The following EML5 variants were observed in gnomAD, a reference collection of about 807,000 sequenced individuals.
EML5 encodes echinoderm microtubule-associated protein-like 5.
Under a neutral mutation model 250.0 loss-of-function variants are expected in EML5, and 120 were observed. That is an observed-to-expected ratio of 0.48 (90% CI 0.41 to 0.56). The LOEUF (loss-of-function observed/expected upper bound fraction) is 0.56. EML5 is among the 20% of genes least tolerant of loss of function. The probability of loss-of-function intolerance (pLI) is 0.00; values close to 1 mark genes in which losing one functional copy is unlikely to be tolerated. For missense variants in EML5, 2,006 were observed against 2,437.6 expected (o/e 0.82, Z 3.73); for synonymous variants, 771 against 806.5 (o/e 0.96, Z 0.75).
chr14:88,775,513 T>C (rs1321594772), intron 1 of EML5, among the ~76,000 whole-genome samples: 1 of 152,198 alleles, frequency 6.6e-6, no homozygotes, highest in East Asian at 1.9e-4. Context: ...AGGCAGTGGC[T>C]GTAGGGAGAG....
chr14:88,658,774 T>C (rs1028903388), intron 25 of EML5, among the ~76,000 whole-genome samples: 4 of 151,936 alleles, frequency 2.6e-5, no homozygotes, highest in Non-Finnish European at 5.9e-5. Context: ...GTGAAAAAAA[T>C]TAAATACCTT....
At chr14:88,645,383 T>C (rs757745731) in intron 29 of EML5, among the ~76,000 whole-genome samples, 5 of 152,202 alleles carry the variant, frequency 3.3e-5, no homozygotes, top group South Asian at 2.1e-4. Flanking sequence ...CAAGAGTAGA[T>C]TGTTTATAAA....
At chr14:88,781,435 A>C (rs1392886906) in intron 1 of EML5, among the ~76,000 whole-genome samples, 1 of 152,206 alleles carries the variant, frequency 6.6e-6, no homozygotes, top group Non-Finnish European at 1.5e-5. Flanking sequence ...CCCACCTTGC[A>C]CACACCACAG....
At chr14:88,645,889 C>T (rs1040468688) in intron 29 of EML5, among the ~76,000 whole-genome samples, 4 of 152,128 alleles carry the variant, frequency 2.6e-5, no homozygotes, top group African/African-American at 9.7e-5. Context: ...TATAATGTGC[C>T]GTGTCCCAAC....
intron 1 of EML5, among the ~76,000 whole-genome samples, chr14:88,758,814 A>G (rs1396461862): frequency 6.6e-6 from 1 of 152,260 alleles, no homozygotes; most frequent in Non-Finnish European, 1.5e-5. Context: ...GTATCCACAC[A>G]ACAAAAATGA....
At position 88,616,717 on chromosome 14, in the gene EML5, C is replaced by T. The variant is rs1349586263; in HGVS notation, c.5796+9G>A. 1 of 1,608,804 alleles carries T rather than the reference C, an allele frequency of 6.2e-7. No individual in the cohort carries two copies. Among genetic ancestry groups the T allele is most frequent in the Admixed American group, 1.7e-5 (1 of 59,500 alleles). ...TAAACTGATAATAGTAAACAAAACACAAACTTACAAATTTTTCTGGACATG... is the reference window on the plus strand; with the variant it reads ...TAAACTGATAATAGTAAACAAAACATAAACTTACAAATTTTTCTGGACATG... On this transcript the variant is annotated intron_variant, in intron 42 of 43. Coordinates refer to ENST00000554922, the MANE Select transcript of EML5 (RefSeq NM_183387.3).
chr14:88,673,091 AAAACTCC>A (rs1344685392), intron 21 of EML5, among the ~76,000 whole-genome samples: 1 of 152,188 alleles, frequency 6.6e-6, no homozygotes, highest in Non-Finnish European at 1.5e-5. Context: ...CAAAAAAAAG[AAAACTCC>A]AGGCCAATAT....
chr14:88,720,613 T>G (rs12589928), intron 8 of EML5, among the ~76,000 whole-genome samples: 6 of 152,158 alleles, frequency 3.9e-5, no homozygotes, highest in Admixed American at 3.9e-4. Flanking sequence ...AACTAGATAT[T>G]GAAGGAACAT....
chr14:88,687,016 T>C (rs1286865123), intron 19 of EML5, among the ~76,000 whole-genome samples, 200 bp downstream of exon 19: 1 of 152,202 alleles, frequency 6.6e-6, no homozygotes, highest in African/African-American at 2.4e-5. Flanking sequence ...ACTAATATTT[T>C]ACCATGTGTA....
At chr14:88,663,850 T>C (rs2092217700) in intron 23 of EML5, among the ~76,000 whole-genome samples, 1 of 152,114 alleles carries the variant, frequency 6.6e-6, no homozygotes, top group Non-Finnish European at 1.5e-5. Context: ...TTCTATATTC[T>C]ATTTATGTCA....
rs935318375 is a variant in EML5, at chr14:88,615,342, T to C, written c.*476A>G. 1.3e-5 allele frequency: 2 copies of C among 152,660 alleles called. No homozygotes were observed. The highest frequency in any genetic ancestry group is 4.8e-5 in the African/African-American group (2 of 41,466). The allele number at this position is 152,660 out of a possible 1,614,324, so 9.5% of individuals were successfully genotyped here. A position where few individuals can be genotyped will look rare whatever the true frequency, so the allele number is the denominator to read the frequency against. ...TTGCCTTTTAAAAACTGTGATCCTTTAGGATGATCATGACTTTCCCTTTCC... is the reference window on the plus strand; with the variant it reads ...TTGCCTTTTAAAAACTGTGATCCTTCAGGATGATCATGACTTTCCCTTTCC... On this transcript the variant is annotated 3_prime_UTR_variant, in exon 44 of 44. Transcript: ENST00000554922.
At chr14:88,657,803 G>T (rs576814434) in intron 26 of EML5, among the ~76,000 whole-genome samples, 3 of 152,152 alleles carry the variant, frequency 2.0e-5, no homozygotes, top group South Asian at 4.1e-4. Flanking sequence ...TAGAAGAGGT[G>T]TTACCTCTGT....
intron 1 of EML5, among the ~76,000 whole-genome samples, chr14:88,779,140 T>C (rs2094473421): frequency 6.6e-6 from 1 of 152,224 alleles, no homozygotes; most frequent in African/African-American, 2.4e-5. Context: ...AACTAATTAA[T>C]GATGGGTATG....
At chr14:88,657,955 A>C (rs556357908) in intron 26 of EML5, among the ~76,000 whole-genome samples, 1 of 152,306 alleles carries the variant, frequency 6.6e-6, no homozygotes, top group South Asian at 2.1e-4. Flanking sequence ...CCTTAACAGT[A>C]CTTATTTAAA....
At chr14:88,723,524 T>C (rs184292337) in intron 8 of EML5, among the ~76,000 whole-genome samples, 6 of 152,298 alleles carry the variant, frequency 3.9e-5, no homozygotes, top group East Asian at 3.9e-4. Context: ...TCTGAAGATA[T>C]ACTGTATGGC....
chr14:88,726,518 G>A lies in EML5; in HGVS notation c.1187+23C>T, dbSNP rs199872585. On this transcript the variant is annotated intron_variant, in intron 8 of 43. Transcript: ENST00000554922. ...GTATCACTGAAGATAAAATTATTAT[G>A]TGTTTCTACCCTAATACCATACCTT... 2.9e-4 allele frequency: 458 copies of A among 1,571,014 alleles called. 6 individuals are homozygous for A. In the South Asian group the frequency reaches 5.4e-3, roughly 18 times the overall value.
At chr14:88,734,825 C>T (rs186116459) in intron 7 of EML5, among the ~76,000 whole-genome samples, 71 of 152,006 alleles carry the variant, frequency 4.7e-4, no homozygotes, top group African/African-American at 1.6e-3. Context: ...ATGTGGGAAA[C>T]GCTGAATAAA....
chr14:88,745,167 T>TTGTG (rs1555370057), intron 3 of EML5, among the ~76,000 whole-genome samples: 4,089 of 145,254 alleles, frequency 0.028, 81 homozygotes, highest in East Asian at 0.054. Context: ...AATTGTGTGT[T>TTGTG]TGTGTGTGTG....
chr14:88,643,874 A>C (rs556997205), intron 30 of EML5, among the ~76,000 whole-genome samples: 1 of 152,308 alleles, frequency 6.6e-6, no homozygotes, highest in East Asian at 1.9e-4. Flanking sequence ...TCACCATCGC[A>C]CAGCTTTACG....
Sources: gnomAD v4.1 joint callset for allele counts (sites outside exome capture counted in the v4.1 genomes callset) on GRCh38, gnomAD v4.1.1 for gene constraint, MANE v1.5 for transcripts, NCBI Gene and HGNC (gene_info 2026-07-23, HGNC 2026-07-21) for gene names.